The following CD6 variants were observed in gnomAD, a reference collection of about 807,000 sequenced individuals.
The protein encoded by CD6 is CD6 molecule, also known as T-cell differentiation antigen CD6.
Under a neutral mutation model 75.3 loss-of-function variants are expected in CD6, and 53 were observed. The observed-to-expected ratio is 0.70, with a 90% CI of 0.56 to 0.88. CD6 has a LOEUF of 0.88. CD6 is among the 40% of genes least tolerant of loss of function. The probability of loss-of-function intolerance (pLI) is 0.00; values close to 1 mark genes in which losing one functional copy is unlikely to be tolerated. For synonymous variants in CD6, 359 were observed against 381.5 expected, an observed-to-expected ratio of 0.94 and a Z score of 0.69; for missense variants, 770 against 897.1, an observed-to-expected ratio of 0.86 and a Z score of 1.81.
At chr11:61,013,889 CT>C (rs1020086839) in intron 7 of CD6, 29 bp from the exon 8 acceptor site, 1 of 1,518,522 alleles carries the variant, frequency 6.6e-7, no homozygotes, top group African/African-American at 1.4e-5. Flanking sequence ...AAAAAAATGA[CT>C]TGTAGAATTT....
At chr11:61,006,743 T>A in intron 2 of CD6, 101 bp downstream of exon 2, 1 of 943,502 alleles carries the variant, frequency 1.1e-6, no homozygotes, top group Non-Finnish European at 1.7e-6. Flanking sequence ...CCAGGGAGGC[T>A]CCCTGACTTC....
Position 61,006,562 on chromosome 11 carries a change from G to C in CD6, c.50-12G>C, listed in dbSNP as rs1397630148. ...CTCACTCACCCACCATGCTGCTGCT[G>C]GTTCATTTCAGGTCATCCATCTCCA... On this transcript the variant is annotated splice_polypyrimidine_tract_variant and intron_variant, in intron 1 of 12. Coordinates refer to ENST00000313421, the MANE Select transcript of CD6 (RefSeq NM_006725.5). 1 of 1,592,978 alleles carries C rather than the reference G, an allele frequency of 6.3e-7. No homozygotes were observed. Among genetic ancestry groups the C allele is most frequent in the South Asian group, 1.1e-5 (1 of 87,106 alleles).
At chr11:60,974,101 G>A (rs1046679057) in intron 1 of CD6, among the ~76,000 whole-genome samples, 30 of 152,170 alleles carry the variant, frequency 2.0e-4, no homozygotes, top group African/African-American at 7.2e-4. Context: ...GGACCTCCAA[G>A]GAGAAAAAGA....
chr11:61,013,720 T>C (rs989997029), intron 7 of CD6, among the ~76,000 whole-genome samples, 157 bp downstream of exon 7: 8 of 152,058 alleles, frequency 5.3e-5, no homozygotes, highest in Non-Finnish European at 1.0e-4. Flanking sequence ...CCAGCAGTCA[T>C]GGACGCACCA....
chr11:61,007,711 G>A lies in CD6; in HGVS notation c.270G>A (p.Gly90=). Residue 90 remains glycine (G), a synonymous_variant, in exon 3 of 13, where the codon GGG becomes GGA. Transcript: ENST00000313421. This position sits in a 1 kb window ranked among gnomAD's most constrained non-coding sequence, Gnocchi z 4.2. ...TGTGCCGAGCACTGGGCTGCGGCGG[G>A]GCGGAGGCCGCCTCTCAGCTCGCCC... The part of the protein sequence containing the change: ...EAVCRALGCG[G]AEAASQLAPP... 1 of 1,392,304 alleles carries A rather than the reference G, an allele frequency of 7.2e-7. No homozygotes were observed. The highest frequency in any genetic ancestry group is 9.3e-7 in the Non-Finnish European group (1 of 1,073,640). The allele number at this position is 1,392,304 out of a possible 1,614,324, so 86.2% of individuals were successfully genotyped here.
In CD6 at chr11:61,013,798, A is replaced by G. The variant is rs893017171; in HGVS notation, c.1292-121A>G. 16 of 755,874 alleles carry G rather than the reference A, an allele frequency of 2.1e-5. 1 individual carries two copies. The South Asian group carries it at 2.6e-4, about 12-fold the overall frequency. The allele number at this position is 755,874 out of a possible 1,614,324, so 46.8% of individuals were successfully genotyped here. A position where few individuals can be genotyped will look rare whatever the true frequency, so the allele number is the denominator to read the frequency against. ...TGTGTGTGTGTTTGTGCGCGCGCAC[A>G]TGTGCCTGCAAGTGTTGGGGGAATG... On this transcript the variant is annotated intron_variant, in intron 7 of 12. Transcript: ENST00000313421.
intron 1 of CD6, among the ~76,000 whole-genome samples, chr11:60,998,279 G>C (rs1858400572): frequency 6.6e-6 from 1 of 152,192 alleles, no homozygotes; most frequent in African/African-American, 2.4e-5. Context: ...GTAAGGATTT[G>C]CTAGTACATG....
At chr11:61,013,705 C>T (rs1565160543) in intron 7 of CD6, 142 bp downstream of exon 7, 4 of 964,922 alleles carry the variant, frequency 4.1e-6, no homozygotes, top group Non-Finnish European at 6.3e-6. Flanking sequence ...ATTTTCCCAG[C>T]ATGCCCAGCA....
intron 1 of CD6, among the ~76,000 whole-genome samples, chr11:60,981,247 G>A (rs1313210228): frequency 6.6e-6 from 1 of 152,140 alleles, no homozygotes; most frequent in African/African-American, 2.4e-5. Flanking sequence ...ATTTTACTGA[G>A]TAAGTGACAG....
At position 61,018,294 on chromosome 11, in the gene CD6, C is replaced by T. The variant is rs1426931924; in HGVS notation, c.1843C>T (p.Pro615Ser). 10 of 1,596,572 alleles carry T rather than the reference C, an allele frequency of 6.3e-6. No homozygotes were observed. In the East Asian group the frequency reaches 1.6e-4, roughly 25 times the overall value. Reference protein sequence around the residue: ...AGTQPAFSAGPPADDSSSTSS... With the variant: ...AGTQPAFSAGSPADDSSSTSS... ...CTGGTTCTGGGGGTTTCCAGCAGGG[C>T]CCCCGGCTGATGACAGCTCCAGCAC... The change falls in exon 12 of 13, where the codon CCC (proline) becomes TCC (serine). Residue 615 changes from proline (P) to serine (S), a missense_variant. Pro to Ser is a moderately conservative substitution (Grantham distance 74). Coordinates refer to ENST00000313421, the MANE Select transcript of CD6 (RefSeq NM_006725.5).
At chr11:60,979,475 T>C (rs1450602713) in intron 1 of CD6, among the ~76,000 whole-genome samples, 1 of 151,640 alleles carries the variant, frequency 6.6e-6, no homozygotes, top group Non-Finnish European at 1.5e-5. Flanking sequence ...TTTTTTTTTT[T>C]TTTCTTTTTG....
intron 9 of CD6, chr11:61,017,140 C>CAA: frequency 3.5e-6 from 1 of 285,420 alleles, no homozygotes; most frequent in Non-Finnish European, 6.8e-6. Flanking sequence ...CTTGAAGGAG[C>CAA]AAACATCTGT....
Position 61,018,338 on chromosome 11 carries a change from C to T in CD6, c.1887C>T (p.Tyr629=). The part of the protein sequence containing the change: ...DSSSTSSGEW[Y]QNFQPPPQPP... Reference sequence around the variant, plus strand: ...CCAGCACCTCATCCGGGGAGTGGTACCAGAACTTCCAGCCACCACCCCAGC... The same window carrying T: ...CCAGCACCTCATCCGGGGAGTGGTATCAGAACTTCCAGCCACCACCCCAGC... Residue 629 remains tyrosine, a synonymous_variant, in exon 12 of 13, where the codon TAC becomes TAT. Coordinates refer to ENST00000313421, the MANE Select transcript of CD6 (RefSeq NM_006725.5). 8 of 1,608,220 alleles carry T rather than the reference C, an allele frequency of 5.0e-6. No individual in the cohort carries two copies. Among genetic ancestry groups the T allele is most frequent in the Non-Finnish European group, 6.8e-6 (8 of 1,177,458 alleles).
chr11:61,019,437 T>C lies in CD6; in HGVS notation c.*119T>C, dbSNP rs1417934193. On this transcript the variant is annotated 3_prime_UTR_variant, in exon 13 of 13. Transcript: ENST00000313421. ...TCCCCATGGAGCTGAGAGGCCTCCC[T>C]TGGAGAGATGGAAGGAAACGTTATA... 1.4e-6 allele frequency: 1 copy of C among 721,306 alleles called. No homozygotes were observed. The highest frequency in any genetic ancestry group is 2.2e-6 in the Non-Finnish European group (1 of 447,900). 44.7% of individuals were successfully genotyped at this position (721,306 alleles called of 1,614,324 possible).
rs1200642638 is a variant in CD6 at position 61,007,385 on chromosome 11, G to A, written c.119-175G>A. ...GACTCTAAGGAGAACCACAGGGTCA[G>A]GCCTCAAGGTGGGCTCAGGGATGAG... On this transcript the variant is annotated intron_variant, in intron 2 of 12. Transcript: ENST00000313421. The surrounding 1 kb of genome is among the most constrained non-coding windows in gnomAD (Gnocchi z 4.2). 2.0e-5 allele frequency among the ~76,000 whole-genome samples: 3 copies of A among 152,234 alleles called. No individual in the cohort carries two copies. Among genetic ancestry groups the A allele is most frequent in the African/African-American group, 7.2e-5 (3 of 41,468 alleles).
intron 1 of CD6, among the ~76,000 whole-genome samples, chr11:61,002,501 G>A (rs1858631026): frequency 6.6e-6 from 1 of 152,090 alleles, no homozygotes; most frequent in South Asian, 2.1e-4. Context: ...AGGTTGCAAT[G>A]AGCCGAGATC....
rs993343283 is a variant in CD6, at chr11:61,017,597, G to C, written c.1582+47G>C. 9.6e-6 allele frequency: 15 copies of C among 1,561,810 alleles called. 1 individual carries two copies. Among genetic ancestry groups the C allele is most frequent in the African/African-American group, 1.4e-5 (1 of 73,838 alleles). On this transcript the variant is annotated intron_variant, in intron 10 of 12. Transcript: ENST00000313421. ...TGTGAATGGCAGTCCCACCTCCAGA[G>C]AGTAGCTCAGCTCAGCTTGAGACCT...
chr11:61,002,859 C>G (rs1858654344), intron 1 of CD6, among the ~76,000 whole-genome samples: 1 of 152,214 alleles, frequency 6.6e-6, no homozygotes, highest in East Asian at 1.9e-4. Context: ...GGAACTCTCA[C>G]TTTTACGACA....
chr11:60,990,899 T>A (rs1235294067), intron 1 of CD6, among the ~76,000 whole-genome samples: 1 of 152,002 alleles, frequency 6.6e-6, no homozygotes, highest in East Asian at 1.9e-4. Context: ...TGCAATGGAA[T>A]AATCCAGCCT....
Sources: allele counts gnomAD v4.1 joint callset (sites outside exome capture counted in the v4.1 genomes callset), GRCh38; gene constraint gnomAD v4.1.1; non-coding constraint Gnocchi (gnomAD v3.1); transcripts MANE v1.5; gene names NCBI Gene and HGNC (gene_info 2026-07-23, HGNC 2026-07-21).